The following ACADL variants were observed in gnomAD, a reference collection of about 807,000 sequenced individuals.
ACADL encodes acyl-CoA dehydrogenase long chain, also known as long-chain specific acyl-CoA dehydrogenase, mitochondrial.
A neutral mutation model predicts 56.9 loss-of-function variants in ACADL; 60 were observed. The ratio of observed to expected loss-of-function variants is 1.05; its 90% CI spans 0.86 to 1.31. The LOEUF (loss-of-function observed/expected upper bound fraction) is 1.31. Ranked by LOEUF, ACADL falls within the 50% of genes most tolerant of loss-of-function variation. The pLI is 0.00. For missense variants in ACADL, 484 were observed against 525.5 expected (o/e 0.92, Z 0.77); for synonymous variants, 158 against 179.7 (o/e 0.88, Z 0.97).
chr2:210,222,551 A>G (rs532601037), intron 1 of ACADL, among the ~76,000 whole-genome samples: 1 of 152,064 alleles, frequency 6.6e-6, no homozygotes. Flanking sequence ...TGCTGCAGTC[A>G]GGGTAGGTTA....
intron 10 of ACADL, among the ~76,000 whole-genome samples, chr2:210,191,237 G>C (rs544105466): frequency 6.6e-6 from 1 of 152,038 alleles, no homozygotes; most frequent in Admixed American, 6.6e-5. Context: ...GATATTAGGC[G>C]ATATATGGGA....
chr2:210,202,671 G>A (rs1442632470), intron 8 of ACADL, among the ~76,000 whole-genome samples: 1 of 151,896 alleles, frequency 6.6e-6, no homozygotes, highest in African/African-American at 2.4e-5. Flanking sequence ...ATTAAAATAT[G>A]CACCCGCATT....
At chr2:210,199,067 A>C (rs1318246467) in intron 8 of ACADL, among the ~76,000 whole-genome samples, 1 of 152,120 alleles carries the variant, frequency 6.6e-6, no homozygotes, top group South Asian at 2.1e-4. Flanking sequence ...ATATAGTTAT[A>C]AAATGACATG....
chr2:210,201,199 G>T (rs1688786347), intron 8 of ACADL, among the ~76,000 whole-genome samples: 1 of 152,170 alleles, frequency 6.6e-6, no homozygotes, highest in African/African-American at 2.4e-5. Flanking sequence ...AATCTGTGAG[G>T]CAGGAGAACT....
Position 210,205,888 on chromosome 2 carries a change from A to G in ACADL, c.604-92T>C, listed in dbSNP as rs1688880555. ...GGAGAAAGTATATTACAGAAAACTA[A>G]AACAGACAAGACATGCTTGATACCT... On this transcript the variant is annotated intron_variant, in intron 5 of 10. Coordinates refer to ENST00000233710, the MANE Select transcript of ACADL (RefSeq NM_001608.4). The G allele has an allele frequency of 8.1e-6, 12 of 1,477,376 alleles. No homozygotes were observed. In the South Asian group the frequency reaches 1.4e-4, roughly 17 times the overall value. The allele number at this position is 1,477,376 out of a possible 1,614,324, so 91.5% of individuals were successfully genotyped here.
At chr2:210,219,698 A>AT (rs550114823) in intron 2 of ACADL, among the ~76,000 whole-genome samples, 1 of 152,090 alleles carries the variant, frequency 6.6e-6, no homozygotes, top group South Asian at 2.1e-4. Context: ...TCAACTTACA[A>AT]TTTTTTTACT....
At chr2:210,220,607 C>T (rs377025522) in intron 2 of ACADL, 40 bp downstream of exon 2, 3 of 1,588,458 alleles carry the variant, frequency 1.9e-6, no homozygotes, top group East Asian at 2.2e-5. Context: ...CCTATAATAC[C>T]CCTAGTATAC....
intron 8 of ACADL, among the ~76,000 whole-genome samples, chr2:210,195,745 A>G (rs1688701171): frequency 6.6e-6 from 1 of 152,092 alleles, no homozygotes; most frequent in African/African-American, 2.4e-5. Flanking sequence ...TTTTTTCTTT[A>G]TTAATGAAAT....
chr2:210,192,978 A>G, intron 9 of ACADL, 88 bp from the exon 10 acceptor site: 3 of 983,978 alleles, frequency 3.0e-6, no homozygotes, highest in South Asian at 1.3e-5. Flanking sequence ...ATTATTTACA[A>G]TTGTTTAAAT....
intron 8 of ACADL, among the ~76,000 whole-genome samples, chr2:210,197,080 A>G (rs1280666261): frequency 6.6e-6 from 1 of 152,194 alleles, no homozygotes; most frequent in Non-Finnish European, 1.5e-5. Flanking sequence ...AAGACCCAGG[A>G]CCAAGCAAGA....
chr2:210,218,101 A>G lies in ACADL; in HGVS notation c.235T>C (p.Trp79Arg). ...QEEVIPHHSE[W>R]EKAGEVSREV... is the part of the protein sequence containing the mutation. ...CTACTTACTTCTCCAGCTTTCTCCC[A>G]TCTGCAAATAACAAATATTTTAAAT... is the stretch of plus-strand genomic sequence containing the variant. Residue 79 changes from tryptophan (W) to arginine (R), a missense_variant and splice_region_variant, in exon 3 of 11, where the codon TGG becomes CGG. Coordinates refer to ENST00000233710, the MANE Select transcript of ACADL (RefSeq NM_001608.4). 3 of 1,613,208 alleles carry G rather than the reference A, an allele frequency of 1.9e-6. No individual in the cohort carries two copies. The highest frequency in any genetic ancestry group is 2.5e-6 in the Non-Finnish European group (3 of 1,179,506).
chr2:210,213,803 C>T (rs1231569616), intron 4 of ACADL, among the ~76,000 whole-genome samples: 5 of 152,118 alleles, frequency 3.3e-5, no homozygotes, highest in Admixed American at 3.3e-4. Flanking sequence ...GGTCAAAATA[C>T]TTCATTTATT....
chr2:210,220,384 A>G (rs1689155416), intron 2 of ACADL, among the ~76,000 whole-genome samples: 1 of 152,158 alleles, frequency 6.6e-6, no homozygotes. Flanking sequence ...TTTTGTTACC[A>G]CTTACCCATG....
intron 7 of ACADL, 140 bp from the exon 8 acceptor site, chr2:210,203,584 A>G: frequency 1.7e-6 from 1 of 591,882 alleles, no homozygotes; most frequent in African/African-American, 1.9e-5. Flanking sequence ...CCTTATAAGA[A>G]AACAGATTTA....
intron 8 of ACADL, 87 bp from the exon 9 acceptor site, chr2:210,195,425 A>C: frequency 7.1e-7 from 1 of 1,414,192 alleles, no homozygotes. Context: ...ATTATACAAT[A>C]AAAGATCTTT....
chr2:210,212,208 A>G (rs1688994421), intron 4 of ACADL, among the ~76,000 whole-genome samples: 1 of 151,902 alleles, frequency 6.6e-6, no homozygotes, highest in African/African-American at 2.4e-5. Context: ...CCTATACCCT[A>G]GAGGCTGTTG....
chr2:210,214,587 T>A (rs955850608), intron 4 of ACADL, among the ~76,000 whole-genome samples: 1 of 152,210 alleles, frequency 6.6e-6, no homozygotes, highest in Non-Finnish European at 1.5e-5. Flanking sequence ...TATATACACT[T>A]AACCACAGAT....
At chr2:210,223,376 T>G (rs1161668220) in intron 1 of ACADL, among the ~76,000 whole-genome samples, 1 of 152,206 alleles carries the variant, frequency 6.6e-6, no homozygotes, top group African/African-American at 2.4e-5. Context: ...TCCTACATTT[T>G]AAAAGGGAGA....
At chr2:210,224,131 A>C (rs1250345539) in intron 1 of ACADL, among the ~76,000 whole-genome samples, 4 of 148,890 alleles carry the variant, frequency 2.7e-5, no homozygotes, top group African/African-American at 4.9e-5. Context: ...CTGAGGCAGG[A>C]GAATTGCTTG....
Sources: allele counts gnomAD v4.1 joint callset (sites outside exome capture counted in the v4.1 genomes callset), GRCh38; gene constraint gnomAD v4.1.1; transcripts MANE v1.5; gene names NCBI Gene and HGNC (gene_info 2026-07-23, HGNC 2026-07-21).